Variants in BCKDHB observed in about 807,000 individuals in gnomAD.
BCKDHB encodes the protein 2-oxoisovalerate dehydrogenase subunit beta, mitochondrial.
In BCKDHB, 41 loss-of-function variants were observed where a neutral mutation model predicts 48.5. The observed-to-expected ratio is 0.85, with a 90% CI of 0.66 to 1.10. The LOEUF is 1.10. Ranked by LOEUF, BCKDHB falls within the 50% of genes least tolerant of loss-of-function variation. The pLI is 0.00. For missense variants in BCKDHB, 496 were observed against 494.2 expected (o/e 1.00, Z -0.03); for synonymous variants, 201 against 174.8 (o/e 1.15, Z -1.18).
At chr6:80,440,437 T>C in the BCKDHB span, among the ~76,000 whole-genome samples, 1 of 152,164 alleles carries the variant, frequency 6.6e-6, no homozygotes, top group African/African-American at 2.4e-5. Flanking sequence ...CTTTACCATA[T>C]GCCTTTTGCA....
At chr6:80,254,907 T>C (rs957535687) in intron 8 of BCKDHB, among the ~76,000 whole-genome samples, 3 of 152,054 alleles carry the variant, frequency 2.0e-5, no homozygotes, top group Non-Finnish European at 4.4e-5. Flanking sequence ...TTCAGCCAGA[T>C]AGACAGACAG....
the BCKDHB span, among the ~76,000 whole-genome samples, chr6:80,454,625 T>C: frequency 6.6e-6 from 1 of 152,180 alleles, no homozygotes; most frequent in Non-Finnish European, 1.5e-5. Context: ...CATAGAGACC[T>C]GGATAGAGCT....
At chr6:80,315,917 T>C (rs1224241576) in intron 9 of BCKDHB, among the ~76,000 whole-genome samples, 1 of 152,192 alleles carries the variant, frequency 6.6e-6, no homozygotes, top group Non-Finnish European at 1.5e-5. Context: ...ACCAATTCCT[T>C]CTCTTTTCTT....
intron 9 of BCKDHB, among the ~76,000 whole-genome samples, chr6:80,278,451 T>TTAG (rs1205896280): frequency 7.2e-5 from 11 of 152,328 alleles, no homozygotes; most frequent in African/African-American, 2.6e-4. Flanking sequence ...TTACTGTTTG[T>TTAG]AGTTAAATCC....
intron 9 of BCKDHB, among the ~76,000 whole-genome samples, chr6:80,322,946 AT>A (rs1405675997): frequency 6.9e-6 from 1 of 145,926 alleles, no homozygotes; most frequent in Non-Finnish European, 1.5e-5. Context: ...GGGTTTAAAA[AT>A]TTTTTAACTA....
At chr6:80,177,225 CAAAAAAAAAAAAAAAA>C (rs575991853) in intron 6 of BCKDHB, among the ~76,000 whole-genome samples, 3 of 43,152 alleles carry the variant, frequency 7.0e-5, no homozygotes. Flanking sequence ...GACCTTGTCT[CAAAAAAAAAAAAAAAA>C]AAAAAAAAAA....
At chr6:80,307,099 A>G (rs1767921227) in intron 9 of BCKDHB, among the ~76,000 whole-genome samples, 1 of 152,136 alleles carries the variant, frequency 6.6e-6, no homozygotes, top group South Asian at 2.1e-4. Context: ...CTAGTCCTTC[A>G]ACTTGTCTTC....
chr6:80,162,718 G>A (rs1157123881), intron 3 of BCKDHB, among the ~76,000 whole-genome samples: 5 of 152,062 alleles, frequency 3.3e-5, no homozygotes, highest in Non-Finnish European at 7.4e-5. Context: ...GGGCGTGGTC[G>A]TGGGCGCCTG....
intron 1 of BCKDHB, among the ~76,000 whole-genome samples, chr6:80,108,434 C>T (rs948051922): frequency 6.7e-6 from 1 of 149,166 alleles, no homozygotes; most frequent in Admixed American, 6.7e-5. Context: ...TAGTTGTAAA[C>T]TTACTAAAAT....
At chr6:80,398,321 G>T in the BCKDHB span, among the ~76,000 whole-genome samples, 1 of 151,754 alleles carries the variant, frequency 6.6e-6, no homozygotes, top group African/African-American at 2.4e-5. Context: ...AAGAGAGATA[G>T]ACTGCTAGCT....
chr6:80,268,509 C>CT (rs1025034326), intron 8 of BCKDHB, among the ~76,000 whole-genome samples: 1 of 151,642 alleles, frequency 6.6e-6, no homozygotes, highest in Non-Finnish European at 1.5e-5. Context: ...CAAAATATTG[C>CT]TTTTTTTTAA....
intron 9 of BCKDHB, among the ~76,000 whole-genome samples, chr6:80,293,800 C>T (rs1313868092): frequency 6.6e-6 from 1 of 152,304 alleles, no homozygotes; most frequent in South Asian, 2.1e-4. Context: ...ATTTCTTCCA[C>T]CAGATACCCT....
At chr6:80,374,279 AT>A in the BCKDHB span, 7 of 871,814 alleles carry the variant, frequency 8.0e-6, no homozygotes, top group Non-Finnish European at 1.2e-5. Flanking sequence ...TACTGTCTGC[AT>A]TTTTAAGCAT....
intron 9 of BCKDHB, among the ~76,000 whole-genome samples, chr6:80,332,194 G>A (rs956977321): frequency 6.0e-4 from 92 of 152,184 alleles, no homozygotes; most frequent in African/African-American, 2.1e-3. Context: ...AGAGCCCACA[G>A]CTCTTTAATA....
chr6:80,428,511 C>T, the BCKDHB span, among the ~76,000 whole-genome samples: 1 of 152,180 alleles, frequency 6.6e-6, no homozygotes, highest in East Asian at 1.9e-4. Flanking sequence ...GTTCCTATTT[C>T]TCCACATCCT....
At chr6:80,312,265 G>T (rs6904257) in intron 9 of BCKDHB, among the ~76,000 whole-genome samples, 33 of 152,290 alleles carry the variant, frequency 2.2e-4, no homozygotes, top group East Asian at 5.8e-4. Context: ...GTAATTTTTG[G>T]GCATTGATTC....
chr6:80,260,226 T>G (rs641560), intron 8 of BCKDHB, among the ~76,000 whole-genome samples: 51,252 of 151,624 alleles, frequency 0.34, 9,045 homozygotes, highest in Non-Finnish European at 0.4. Context: ...TGTGTGTGTG[T>G]GTGGGGTAAT....
chr6:80,351,982 C>T, the BCKDHB span, among the ~76,000 whole-genome samples: 1 of 151,822 alleles, frequency 6.6e-6, no homozygotes, highest in Non-Finnish European at 1.5e-5. Context: ...CCACCACGCC[C>T]GACTAATTTT....
At chr6:80,211,632 T>G (rs1774937043) in intron 8 of BCKDHB, among the ~76,000 whole-genome samples, 2 of 152,198 alleles carry the variant, frequency 1.3e-5, no homozygotes, top group South Asian at 4.1e-4. Flanking sequence ...TTCATCGCTT[T>G]CCACCTCCTA....
Sources: allele counts gnomAD v4.1 joint callset (sites outside exome capture counted in the v4.1 genomes callset), GRCh38; gene constraint gnomAD v4.1.1; transcripts MANE v1.5; gene names NCBI Gene and HGNC (gene_info 2026-07-23, HGNC 2026-07-21).